DNAH14: variants seen among roughly 807,000 people sequenced by gnomAD.
The protein encoded by DNAH14 is axonemal beta dynein heavy chain 14.
Under a neutral mutation model 520.9 loss-of-function variants are expected in DNAH14, and 478 were observed. The observed-to-expected ratio is 0.92, with a 90% CI of 0.85 to 0.99. DNAH14 has a LOEUF of 0.99. Among genes scored for constraint, DNAH14 ranks in the 50% least tolerant of loss-of-function variants. The probability of loss-of-function intolerance (pLI) is 0.00; values close to 1 mark genes in which losing one functional copy is unlikely to be tolerated. For missense variants in DNAH14, 4,831 were observed against 5,234.5 expected, an observed-to-expected ratio of 0.92 and a Z score of 2.38; for synonymous variants, 1,581 against 1,757.2, an observed-to-expected ratio of 0.90 and a Z score of 2.51.
intron 71 of DNAH14, among the ~76,000 whole-genome samples, chr1:225,350,466 G>T (rs564845998): frequency 6.6e-6 from 1 of 151,996 alleles, no homozygotes; most frequent in South Asian, 2.1e-4. Flanking sequence ...AAAACTAAAG[G>T]TTGGTGTTTT....
At chr1:225,053,771 A>G (rs1471891394) in intron 17 of DNAH14, among the ~76,000 whole-genome samples, 1 of 152,226 alleles carries the variant, frequency 6.6e-6, no homozygotes, top group East Asian at 1.9e-4. Flanking sequence ...GGAGGAACAT[A>G]GTACTTGTTA....
At chr1:225,150,360 G>C (rs554555344) in intron 31 of DNAH14, among the ~76,000 whole-genome samples, 1 of 152,162 alleles carries the variant, frequency 6.6e-6, no homozygotes, top group East Asian at 1.9e-4. Flanking sequence ...GTTTCTTCTT[G>C]TTGTTGTGTC....
intron 36 of DNAH14, among the ~76,000 whole-genome samples, chr1:225,180,533 G>A (rs190846166): frequency 1.3e-5 from 2 of 151,944 alleles, no homozygotes; most frequent in Non-Finnish European, 1.5e-5. Context: ...GATAGGAAAC[G>A]AGAGATGGGC....
chr1:225,395,540 A>T (rs540341556), intron 84 of DNAH14, among the ~76,000 whole-genome samples: 1 of 150,814 alleles, frequency 6.6e-6, no homozygotes, highest in Non-Finnish European at 1.5e-5. Flanking sequence ...TGCAGTGAGC[A>T]GAGATCGCGC....
chr1:225,374,647 AAC>A (rs765534869), intron 77 of DNAH14, 39 bp from the exon 78 acceptor site: 2 of 1,468,244 alleles, frequency 1.4e-6, no homozygotes, highest in South Asian at 2.8e-5. Context: ...GTAAGCTGGA[AAC>A]ACATACTGAA....
chr1:225,061,056 T>C (rs959629633), intron 17 of DNAH14, among the ~76,000 whole-genome samples: 2 of 152,084 alleles, frequency 1.3e-5, no homozygotes, highest in African/African-American at 4.8e-5. Flanking sequence ...ACAGGGACAT[T>C]TAAGTCTGCA....
intron 46 of DNAH14, among the ~76,000 whole-genome samples, chr1:225,261,538 G>C (rs954619233): frequency 1.3e-5 from 2 of 151,956 alleles, no homozygotes; most frequent in Non-Finnish European, 2.9e-5. Context: ...ATTGAATTTG[G>C]TTTTATTAGT....
chr1:225,345,814 TACC>T, intron 69 of DNAH14, 145 bp from the exon 70 acceptor site: 2 of 592,406 alleles, frequency 3.4e-6, no homozygotes, highest in Non-Finnish European at 5.7e-6. Flanking sequence ...TTAGAAATAT[TACC>T]TAACTTCATT....
At chr1:225,079,686 T>TTG (rs1220755351) in intron 18 of DNAH14, 138 bp downstream of exon 18, 1 of 635,672 alleles carries the variant, frequency 1.6e-6, no homozygotes, top group East Asian at 3.2e-5. Flanking sequence ...TTTTTTTTTT[T>TTG]TTTTTGAGAT....
chr1:224,968,775 G>C lies in DNAH14; in HGVS notation c.668G>C (p.Gly223Ala). ...SFISKVINIVGSVKEVELIPT... is the reference protein window; with the variant it reads ...SFISKVINIVASVKEVELIPT... ...ATTTTGTAGGTTATTAATATAGTTG[G>C]TAGTGTAAAGGAAGTAGAACTCATA... The change falls in exon 7 of 86, where the codon GGT (glycine) becomes GCT (alanine). Residue 223 changes from glycine to alanine, a missense_variant. Physicochemically the swap from Gly to Ala is moderately conservative, Grantham distance 60. Transcript: ENST00000682510. 1 of 1,507,912 alleles carries C rather than the reference G, an allele frequency of 6.6e-7. No homozygotes were observed. The highest frequency in any genetic ancestry group is 8.9e-7 in the Non-Finnish European group (1 of 1,124,104). 93.4% of individuals were successfully genotyped at this position (1,507,912 alleles called of 1,614,324 possible). A position where few individuals can be genotyped will look rare whatever the true frequency, so the allele number is the denominator to read the frequency against.
chr1:225,377,229 A>AT lies in DNAH14; in HGVS notation c.12517-4dup. On this transcript the variant is annotated splice_polypyrimidine_tract_variant and splice_region_variant and intron_variant, in intron 78 of 85. Transcript: ENST00000682510. The stretch of plus-strand genomic sequence containing the variant: ...AAGAAAAAAGCTAACAAAATGTTAA[A>AT]TTTTCAGATATGTCTGCCAGTTCCA... The AT allele has an allele frequency of 7.3e-7, 1 of 1,369,778 alleles. No individual in the cohort carries two copies. The highest frequency in any genetic ancestry group is 9.5e-7 in the Non-Finnish European group (1 of 1,051,974). The allele number at this position is 1,369,778 out of a possible 1,614,324, so 84.9% of individuals were successfully genotyped here.
chr1:225,370,813 T>A (rs984492586), intron 77 of DNAH14, among the ~76,000 whole-genome samples: 8 of 152,110 alleles, frequency 5.3e-5, no homozygotes, highest in Admixed American at 3.9e-4. Context: ...CATTTTAAAA[T>A]TGGATTTTTA....
chr1:224,958,725 A>G (rs1193031811), intron 3 of DNAH14, among the ~76,000 whole-genome samples: 3 of 152,110 alleles, frequency 2.0e-5, no homozygotes, highest in Non-Finnish European at 4.4e-5. Context: ...GAGGACATCT[A>G]GAAAATGGGG....
At chr1:225,052,324 C>A (rs914182936) in intron 17 of DNAH14, among the ~76,000 whole-genome samples, 1 of 152,152 alleles carries the variant, frequency 6.6e-6, no homozygotes, top group Admixed American at 6.5e-5. Context: ...GTATGAAGAT[C>A]TGGGAGCAAG....
At chr1:225,020,473 G>A (rs2065580960) in intron 10 of DNAH14, among the ~76,000 whole-genome samples, 1 of 125,512 alleles carries the variant, frequency 8.0e-6, no homozygotes, top group South Asian at 2.7e-4. Context: ...ATCCAGCCTG[G>A]GTGACAGAGC....
intron 36 of DNAH14, among the ~76,000 whole-genome samples, chr1:225,176,098 T>G (rs1453148606): frequency 6.6e-6 from 1 of 152,180 alleles, no homozygotes; most frequent in East Asian, 1.9e-4. Context: ...TTATCCAACT[T>G]CCTTCCTTCC....
intron 60 of DNAH14, among the ~76,000 whole-genome samples, chr1:225,312,755 T>A (rs1051146383): frequency 6.6e-6 from 1 of 152,238 alleles, no homozygotes; most frequent in African/African-American, 2.4e-5. Flanking sequence ...GTTTATTGAT[T>A]TGCATATGTT....
intron 66 of DNAH14, among the ~76,000 whole-genome samples, chr1:225,336,044 T>G (rs2095040015): frequency 9.8e-6 from 1 of 101,884 alleles, no homozygotes; most frequent in Admixed American, 1.0e-4. Flanking sequence ...CACACATATA[T>G]GCATATATAC....
rs903429238 is a variant in DNAH14 at position 225,180,628 on chromosome 1, C to G, written c.5536-4663C>G. 4.6e-5 allele frequency among the ~76,000 whole-genome samples: 7 copies of G among 152,232 alleles called. No individual in the cohort carries two copies. In the East Asian group the frequency reaches 9.7e-4, roughly 21 times the overall value. ...TTCACCCCTGAGGGAAGGCATTAAT[C>G]TATTCATGAAGGATCCCCCACAAGA... is the stretch of plus-strand genomic sequence containing the variant. On this transcript the variant is annotated intron_variant, in intron 36 of 85. Transcript: ENST00000682510.
Sources: gnomAD v4.1 joint callset for allele counts (sites outside exome capture counted in the v4.1 genomes callset) on GRCh38, gnomAD v4.1.1 for gene constraint, MANE v1.5 for transcripts, NCBI Gene and HGNC (gene_info 2026-07-23, HGNC 2026-07-21) for gene names.